Variants in SAMD12 observed in about 807,000 individuals in gnomAD.
SAMD12 encodes the protein sterile alpha motif domain-containing protein 12.
SAMD12 carries 9 observed loss-of-function variants against 15.0 expected under a neutral mutation model. That is an observed-to-expected ratio of 0.60 (90% CI 0.36 to 1.05). SAMD12 has a LOEUF of 1.05. SAMD12 is among the 50% of genes least tolerant of loss of function. The pLI is 0.01. For synonymous variants in SAMD12, 86 were observed against 90.1 expected (o/e 0.96, Z 0.25); for missense variants, 230 against 234.2 (o/e 0.98, Z 0.12).
chr8:118,403,887 T>C, intron 3 of SAMD12, among the ~76,000 whole-genome samples: 1 of 152,208 alleles, frequency 6.6e-6, no homozygotes, highest in East Asian at 1.9e-4. Context: ...ATGACAAAGG[T>C]ATTTCCATAT....
chr8:118,414,322 G>C (rs1405314080), intron 3 of SAMD12, among the ~76,000 whole-genome samples: 1 of 152,110 alleles, frequency 6.6e-6, no homozygotes, highest in Non-Finnish European at 1.5e-5. Flanking sequence ...ATGGATAATG[G>C]GGAAGCTGAA....
intron 1 of SAMD12, among the ~76,000 whole-genome samples, chr8:118,611,541 A>T (rs921629589): frequency 2.0e-5 from 3 of 152,008 alleles, no homozygotes; most frequent in Non-Finnish European, 4.4e-5. Flanking sequence ...TCCACCAAAA[A>T]TATCACTGGT....
At position 118,511,159 on chromosome 8, in the gene SAMD12, GAATA is replaced by G. The variant is rs571790890; in HGVS notation, c.192+69552_192+69555del. Reference sequence around the variant, plus strand: ...GCAATATATTCACCAAATTAGAAAAGAATAAATAAATAAATACAACCTTAAAGCT... The same window carrying G: ...GCAATATATTCACCAAATTAGAAAAGAATAAATAAATACAACCTTAAAGCT... On this transcript the variant is annotated intron_variant, in intron 2 of 3. Coordinates refer to ENST00000314727, the MANE Select transcript of SAMD12 (RefSeq NM_207506.3). 2.8e-4 allele frequency among the ~76,000 whole-genome samples: 43 copies of G among 152,128 alleles called. 1 individual carries two copies. In the South Asian group the frequency reaches 8.7e-3, roughly 31 times the overall value.
intron 2 of SAMD12, among the ~76,000 whole-genome samples, chr8:118,566,376 G>A (rs1826848469): frequency 6.6e-6 from 1 of 152,066 alleles, no homozygotes; most frequent in Admixed American, 6.6e-5. Context: ...TCAAACCTCA[G>A]TTGGTTTCCT....
At chr8:118,295,174 T>C (rs1419972353) in intron 4 of SAMD12, among the ~76,000 whole-genome samples, 1 of 152,220 alleles carries the variant, frequency 6.6e-6, no homozygotes, top group Non-Finnish European at 1.5e-5. Flanking sequence ...AAAGAACTGA[T>C]TTCTTCTAAT....
intron 4 of SAMD12, among the ~76,000 whole-genome samples, chr8:118,298,960 G>A (rs1024655073): frequency 2.0e-5 from 3 of 152,060 alleles, no homozygotes; most frequent in Non-Finnish European, 2.9e-5. Flanking sequence ...AATAAGCACT[G>A]TTTTGTCTAT....
intron 2 of SAMD12, among the ~76,000 whole-genome samples, chr8:118,457,768 T>C (rs1182407386): frequency 6.6e-6 from 1 of 152,166 alleles, no homozygotes; most frequent in Non-Finnish European, 1.5e-5. Context: ...AAGATAAATG[T>C]CAGCATCCAT....
At chr8:118,419,315 A>T (rs1288761005) in intron 3 of SAMD12, among the ~76,000 whole-genome samples, 2 of 152,106 alleles carry the variant, frequency 1.3e-5, no homozygotes, top group African/African-American at 4.8e-5. Flanking sequence ...GAGCTTCTAG[A>T]TTCCTCATTT....
chr8:118,362,744 C>G (rs549565484), intron 4 of SAMD12, among the ~76,000 whole-genome samples: 1 of 152,274 alleles, frequency 6.6e-6, no homozygotes, highest in African/African-American at 2.4e-5. Flanking sequence ...TTTCTGTCCA[C>G]TCATTTATGC....
chr8:118,543,212 G>A (rs1404367357), intron 2 of SAMD12, among the ~76,000 whole-genome samples: 2 of 151,978 alleles, frequency 1.3e-5, no homozygotes, highest in East Asian at 1.9e-4. Context: ...CCCGCCTCCC[G>A]CCTCACTGTG....
At chr8:118,270,999 C>T (rs893284116) in intron 4 of SAMD12, among the ~76,000 whole-genome samples, 1 of 152,052 alleles carries the variant, frequency 6.6e-6, no homozygotes, top group East Asian at 1.9e-4. Context: ...CCAAATGGAG[C>T]ATGGGGAAGT....
chr8:118,192,171 G>A (rs1283407134), exon 5 of SAMD12: 1 of 151,680 alleles, frequency 6.6e-6, no homozygotes, highest in Non-Finnish European at 1.5e-5. Flanking sequence ...AGAGTCTCCT[G>A]TTTTGCATTT....
chr8:118,162,465 G>C, the SAMD12 span, among the ~76,000 whole-genome samples: 1 of 151,768 alleles, frequency 6.6e-6, no homozygotes, highest in South Asian at 2.1e-4. Flanking sequence ...GATGAATGTG[G>C]TGTTTTTATA....
rs1316322000 is a variant in SAMD12, at chr8:118,318,804, G to A, written c.433+60756C>T. On this transcript the variant is annotated intron_variant, in intron 4 of 4. Transcript: ENST00000409003. ...CAACCCTGGGGAGGGGGCTTCAAGG[G>A]ACCCTCAAACAAGGTGACATGTGTC... Among the ~76,000 whole-genome samples, 3 of 152,120 alleles carry A rather than the reference G, an allele frequency of 2.0e-5. No homozygotes were observed. The South Asian group carries it at 6.2e-4, about 32-fold the overall frequency.
intron 3 of SAMD12, among the ~76,000 whole-genome samples, chr8:118,411,973 T>C (rs1821432070): frequency 6.6e-6 from 1 of 152,334 alleles, no homozygotes; most frequent in Non-Finnish European, 1.5e-5. Flanking sequence ...GGATTTTATA[T>C]ATTTTTAAAG....
chr8:118,146,954 C>A, the SAMD12 span, among the ~76,000 whole-genome samples: 1 of 152,108 alleles, frequency 6.6e-6, no homozygotes, highest in Non-Finnish European at 1.5e-5. Flanking sequence ...TTGGTGATTG[C>A]CATTTCCATG....
chr8:118,543,427 A>T (rs1221551110), intron 2 of SAMD12, among the ~76,000 whole-genome samples: 1 of 152,174 alleles, frequency 6.6e-6, no homozygotes, highest in South Asian at 2.1e-4. Context: ...TGATCAAACA[A>T]AAACGCACCT....
At chr8:118,489,361 T>C (rs1824375394) in intron 2 of SAMD12, among the ~76,000 whole-genome samples, 1 of 152,208 alleles carries the variant, frequency 6.6e-6, no homozygotes, top group Non-Finnish European at 1.5e-5. Context: ...TTATCATTTT[T>C]CCTTGTGGTT....
chr8:118,464,872 A>G (rs1380872862), intron 2 of SAMD12, among the ~76,000 whole-genome samples: 2 of 152,184 alleles, frequency 1.3e-5, no homozygotes, highest in Non-Finnish European at 2.9e-5. Context: ...CCCAAGTCCT[A>G]TTGAAATGGT....
Sources: allele counts gnomAD v4.1 joint callset (sites outside exome capture counted in the v4.1 genomes callset), GRCh38; gene constraint gnomAD v4.1.1; transcripts MANE v1.5; gene names NCBI Gene and HGNC (gene_info 2026-07-23, HGNC 2026-07-21).